Variants in VPS41 observed in about 807,000 individuals in gnomAD.
VPS41 encodes the protein vacuolar protein sorting-associated protein 41 homolog.
Under a neutral mutation model 130.9 loss-of-function variants are expected in VPS41, and 85 were observed. The ratio of observed to expected loss-of-function variants is 0.65; its 90% confidence interval spans 0.55 to 0.78. The LOEUF is 0.78. Ranked by LOEUF, VPS41 falls within the 30% of genes least tolerant of loss-of-function variation. VPS41 has a pLI of 0.00. For synonymous variants in VPS41, 335 were observed against 332.9 expected (o/e 1.01, Z -0.07); for missense variants, 874 against 1,018.7 (o/e 0.86, Z 1.93).
chr7:38,868,052 G>C (rs1233932238), intron 3 of VPS41, among the ~76,000 whole-genome samples: 2 of 152,198 alleles, frequency 1.3e-5, no homozygotes, highest in Non-Finnish European at 2.9e-5. Flanking sequence ...TCAACAGAGA[G>C]TGTCACAGAG....
intron 11 of VPS41, among the ~76,000 whole-genome samples, chr7:38,775,964 T>C (rs572562295): frequency 6.6e-6 from 1 of 152,262 alleles, no homozygotes; most frequent in African/African-American, 2.4e-5. Flanking sequence ...CTTTATGCCT[T>C]GAAGCCACCC....
chr7:38,728,450 T>G, intron 27 of VPS41, 92 bp downstream of exon 27: 1 of 1,362,728 alleles, frequency 7.3e-7, no homozygotes, highest in Non-Finnish European at 1.1e-6. Context: ...AGTTATATAG[T>G]TTTATAAACG....
chr7:38,762,126 T>A (rs994548293), intron 17 of VPS41, among the ~76,000 whole-genome samples: 1 of 152,130 alleles, frequency 6.6e-6, no homozygotes, highest in Non-Finnish European at 1.5e-5. Context: ...CACCATAAAC[T>A]GAAATAAACA....
At chr7:38,831,247 T>G (rs1423641469) in intron 4 of VPS41, 1 of 471,164 alleles carries the variant, frequency 2.1e-6, no homozygotes, top group East Asian at 6.9e-5. Flanking sequence ...CATCTGGTTG[T>G]AAGCTGCCTC....
intron 9 of VPS41, among the ~76,000 whole-genome samples, chr7:38,794,299 T>C (rs1304602698): frequency 1.3e-5 from 2 of 152,132 alleles, no homozygotes; most frequent in Admixed American, 6.6e-5. Flanking sequence ...TTACCCTAAA[T>C]ATAAATCAGG....
chr7:38,885,419 C>G (rs1786703912), intron 2 of VPS41, among the ~76,000 whole-genome samples: 1 of 152,112 alleles, frequency 6.6e-6, no homozygotes, highest in South Asian at 2.1e-4. Context: ...TGTTTATGTT[C>G]CATAAATAGA....
At chr7:38,788,581 G>A in intron 10 of VPS41, among the ~76,000 whole-genome samples, 1 of 152,312 alleles carries the variant, frequency 6.6e-6, no homozygotes, top group South Asian at 2.1e-4. Context: ...ATTGCATTGA[G>A]ATGTTGAGAG....
At chr7:38,858,071 G>T (rs1786023965) in intron 4 of VPS41, among the ~76,000 whole-genome samples, 1 of 152,140 alleles carries the variant, frequency 6.6e-6, no homozygotes, top group Non-Finnish European at 1.5e-5. Context: ...AGTCTTATAG[G>T]TGGCACCCTT....
intron 1 of VPS41, among the ~76,000 whole-genome samples, chr7:38,901,980 T>C (rs937998029): frequency 2.0e-5 from 3 of 152,240 alleles, no homozygotes; most frequent in Non-Finnish European, 2.9e-5. Flanking sequence ...GGCTGGAAGA[T>C]ACCCAGTGAC....
chr7:38,871,958 C>A (rs1456601540), intron 2 of VPS41, among the ~76,000 whole-genome samples: 2 of 152,146 alleles, frequency 1.3e-5, no homozygotes, highest in Admixed American at 1.3e-4. Flanking sequence ...ACACTCCTGG[C>A]CACCAAAATG....
chr7:38,811,875 T>C (rs1301154702), intron 7 of VPS41, among the ~76,000 whole-genome samples: 2 of 152,072 alleles, frequency 1.3e-5, no homozygotes, highest in East Asian at 1.9e-4. Context: ...TGATGGTACC[T>C]ATACAATGAT....
chr7:38,843,633 G>GAT (rs1686104831), intron 4 of VPS41, among the ~76,000 whole-genome samples: 1 of 150,690 alleles, frequency 6.6e-6, no homozygotes, highest in Non-Finnish European at 1.5e-5. Context: ...AGTGAGCCGA[G>GAT]ATAGCACCAC....
intron 21 of VPS41, among the ~76,000 whole-genome samples, chr7:38,753,166 A>G (rs527791264): frequency 6.6e-6 from 1 of 152,336 alleles, no homozygotes; most frequent in African/African-American, 2.4e-5. Context: ...AGGAAGACTT[A>G]ATCACCAATC....
At chr7:38,726,881 G>A in intron 28 of VPS41, 28 bp downstream of exon 28, 2 of 1,485,650 alleles carry the variant, frequency 1.3e-6, no homozygotes, top group South Asian at 2.8e-5. Context: ...TTTCCCTCTA[G>A]TTGATAGGTG....
intron 13 of VPS41, among the ~76,000 whole-genome samples, 186 bp downstream of exon 13, chr7:38,772,336 A>G (rs766475898): frequency 1.3e-5 from 2 of 152,176 alleles, no homozygotes; most frequent in Non-Finnish European, 2.9e-5. Flanking sequence ...AAGCCAGTCA[A>G]TCCATTGCAA....
intron 11 of VPS41, among the ~76,000 whole-genome samples, chr7:38,776,009 T>C (rs1197100229): frequency 3.3e-5 from 5 of 152,098 alleles, no homozygotes; most frequent in African/African-American, 1.2e-4. Context: ...TGGACTCTCA[T>C]AATAAAGACA....
chr7:38,797,607 T>A (rs1784646059), intron 7 of VPS41, among the ~76,000 whole-genome samples: 1 of 152,204 alleles, frequency 6.6e-6, no homozygotes, highest in Non-Finnish European at 1.5e-5. Flanking sequence ...TTATACAGTA[T>A]GTAACTTAAG....
intron 7 of VPS41, among the ~76,000 whole-genome samples, chr7:38,804,703 T>C (rs1784805381): frequency 6.6e-6 from 1 of 152,224 alleles, no homozygotes; most frequent in African/African-American, 2.4e-5. Context: ...TACCCACCTA[T>C]GCAGTATCTA....
chr7:38,743,607 T>C (rs1027059643), intron 23 of VPS41, 65 bp from the exon 24 acceptor site: 29 of 1,560,194 alleles, frequency 1.9e-5, no homozygotes, highest in Middle Eastern at 3.4e-4. Flanking sequence ...TTTAAAGAAA[T>C]TGCATATCTC....
Sources: gnomAD v4.1 joint callset for allele counts (sites outside exome capture counted in the v4.1 genomes callset) on GRCh38, gnomAD v4.1.1 for gene constraint, MANE v1.5 for transcripts, NCBI Gene and HGNC (gene_info 2026-07-23, HGNC 2026-07-21) for gene names.